Variants in XPO5 observed in about 807,000 individuals in gnomAD.
XPO5 encodes the protein exportin-5.
Under a neutral mutation model 160.6 loss-of-function variants are expected in XPO5, and 46 were observed. The ratio of observed to expected loss-of-function variants is 0.29; its 90% confidence interval spans 0.23 to 0.37. The LOEUF (loss-of-function observed/expected upper bound fraction) is 0.37, where lower values mean the gene tolerates loss of function less well. Ranked by LOEUF, XPO5 falls within the 10% of genes least tolerant of loss-of-function variation. XPO5 has a pLI of 1.00. For synonymous variants in XPO5, 537 were observed against 519.3 expected, an observed-to-expected ratio of 1.03 and a Z score of -0.46; for missense variants, 1,090 against 1,463.9, an observed-to-expected ratio of 0.74 and a Z score of 4.17.
chr6:43,572,296 C>T (rs959469642), intron 3 of XPO5, among the ~76,000 whole-genome samples: 1 of 152,182 alleles, frequency 6.6e-6, no homozygotes, highest in Non-Finnish European at 1.5e-5. Flanking sequence ...AAGCTGCTCT[C>T]GAATTCTTAG....
Position 43,567,158 on chromosome 6 carries a change from T to C in XPO5, c.834+11A>G. ...AGACTGAGGATAAGTCAGTTTGAAG[T>C]GGTAACTTACTTTTCTGCTGACTGC... On this transcript the variant is annotated intron_variant, in intron 7 of 31. Transcript: ENST00000265351. 1 of 1,606,838 alleles carries C rather than the reference T, an allele frequency of 6.2e-7. No individual in the cohort carries two copies. Among genetic ancestry groups the C allele is most frequent in the Non-Finnish European group, 8.5e-7 (1 of 1,176,430 alleles).
At chr6:43,562,098 T>C (rs1034357899) in intron 9 of XPO5, 149 bp downstream of exon 9, 4 of 549,816 alleles carry the variant, frequency 7.3e-6, no homozygotes, top group Middle Eastern at 2.8e-4. Context: ...ATTAAGATAA[T>C]TTAATCTATA....
At chr6:43,564,765 G>T (rs189640746) in intron 8 of XPO5, among the ~76,000 whole-genome samples, 1 of 151,722 alleles carries the variant, frequency 6.6e-6, no homozygotes, top group Non-Finnish European at 1.5e-5. Context: ...CACCACACCC[G>T]ACTAATTTCT....
rs781718152 is a variant in XPO5, at chr6:43,570,845, T to TTTTCAAGGG, written c.438+11_438+12insCCCTTGAAA. On this transcript the variant is annotated intron_variant, in intron 4 of 31. Coordinates refer to ENST00000265351, the MANE Select transcript of XPO5 (RefSeq NM_020750.3). ...GAAAAGTATACCAAACTGATATAGCTGTGTTTCATACCCCTTGTTTGGAAA... is the reference window on the plus strand; with the variant it reads ...GAAAAGTATACCAAACTGATATAGCTTTTCAAGGGGTGTTTCATACCCCTTGTTTGGAAA... The TTTTCAAGGG allele has an allele frequency of 7.5e-6, 12 of 1,603,592 alleles. No individual in the cohort carries two copies. In the South Asian group the frequency reaches 1.4e-4, roughly 18 times the overall value.
intron 20 of XPO5, among the ~76,000 whole-genome samples, chr6:43,535,311 T>C (rs933713130): frequency 3.3e-5 from 5 of 150,402 alleles, no homozygotes; most frequent in Non-Finnish European, 7.4e-5. Flanking sequence ...TTTCTATGGC[T>C]GGGCCCAGTG....
Position 43,533,987 on chromosome 6 carries a change from G to A in XPO5, c.2363C>T (p.Ala788Val). 2.5e-6 allele frequency: 4 copies of A among 1,603,618 alleles called. No individual in the cohort carries two copies. Among genetic ancestry groups the A allele is most frequent in the Non-Finnish European group, 3.4e-6 (4 of 1,173,416 alleles). ...TGCCATTTTGGCTAGCATTTCTGGT[G>A]CATATAATGTATTGTGGGTTCTGAA... ...ALIRTHNTLYAPEMLAKMAEP... is the reference protein window; with the variant it reads ...ALIRTHNTLYVPEMLAKMAEP... The change falls in exon 21 of 32, where the codon GCA (alanine) becomes GTA (valine). Residue 788 changes from alanine (A) to valine (V), a missense_variant. This residue lies in a region of XPO5 where 810 missense variants were observed against 1,139.0 expected (regional missense o/e 0.71). Transcript: ENST00000265351.
intron 7 of XPO5, among the ~76,000 whole-genome samples, chr6:43,566,811 T>TAA (rs56147929): frequency 0.023 from 2,379 of 101,612 alleles, 90 homozygotes; most frequent in African/African-American, 0.08. Context: ...CTGTTTCAAT[T>TAA]AAAAAAAAAA....
chr6:43,570,637 C>T lies in XPO5; in HGVS notation c.486G>A (p.Glu162=). Residue 162 remains glutamate (E), a synonymous_variant, in exon 5 of 32, where the codon GAG becomes GAA. Transcript: ENST00000265351. ...GAAGTGTCTGAAAAGTCACTACATCCTCTGCCAGTCGCAAAAGGATAAACA... is the reference window on the plus strand; with the variant it reads ...GAAGTGTCTGAAAAGTCACTACATCTTCTGCCAGTCGCAAAAGGATAAACA... ...LVMFILLRLA[E]DVVTFQTLPP... is the part of the protein sequence containing the mutation. 1 of 1,613,512 alleles carries T rather than the reference C, an allele frequency of 6.2e-7. No individual in the cohort carries two copies. Among genetic ancestry groups the T allele is most frequent in the Non-Finnish European group, 8.5e-7 (1 of 1,179,708 alleles).
At chr6:43,532,376 G>A (rs985990864) in intron 21 of XPO5, among the ~76,000 whole-genome samples, 2 of 152,068 alleles carry the variant, frequency 1.3e-5, no homozygotes, top group Admixed American at 6.6e-5. Context: ...GACCACAGCC[G>A]GGCTCAGACA....
intron 17 of XPO5, 94 bp downstream of exon 17, chr6:43,549,395 T>C (rs1431239740): frequency 3.2e-6 from 4 of 1,243,310 alleles, no homozygotes; most frequent in Non-Finnish European, 4.5e-6. Context: ...AGCTATAGTT[T>C]CTAGTTTTTT....
intron 6 of XPO5, 91 bp downstream of exon 6, chr6:43,568,620 A>G (rs995196426): frequency 1.8e-5 from 21 of 1,179,568 alleles, no homozygotes; most frequent in Non-Finnish European, 2.3e-5. Context: ...ATACAACACA[A>G]GCAAGGCTGA....
rs979413046 is a variant in XPO5 at position 43,523,732 on chromosome 6, G to A, written c.*136C>T. 1 of 1,423,744 alleles carries A rather than the reference G, an allele frequency of 7.0e-7. No homozygotes were observed. Among genetic ancestry groups the A allele is most frequent in the Admixed American group, 1.7e-5 (1 of 59,766 alleles). 88.2% of individuals were successfully genotyped at this position (1,423,744 alleles called of 1,614,324 possible). A position where few individuals can be genotyped will look rare whatever the true frequency, so the allele number is the denominator to read the frequency against. Reference sequence around the variant, plus strand: ...TCCTGCACAGGGCCTGTTCTCTCCAGCTCCAGACCTGGATCTCTTTCCAGG... The same window carrying A: ...TCCTGCACAGGGCCTGTTCTCTCCAACTCCAGACCTGGATCTCTTTCCAGG... On this transcript the variant is annotated 3_prime_UTR_variant, in exon 32 of 32. Transcript: ENST00000265351.
chr6:43,549,655 C>A, intron 16 of XPO5, 77 bp from the exon 17 acceptor site: 1 of 1,500,964 alleles, frequency 6.7e-7, no homozygotes, highest in South Asian at 1.2e-5. Flanking sequence ...ATGTGAATAT[C>A]TCAGTCAGGG....
chr6:43,551,009 A>G (rs988272253), intron 15 of XPO5: 1 of 213,694 alleles, frequency 4.7e-6, no homozygotes. Context: ...TACCTGATCC[A>G]CAGTAAGTAC....
intron 9 of XPO5, chr6:43,561,991 A>G (rs1200408728): frequency 9.7e-6 from 3 of 310,712 alleles, no homozygotes; most frequent in African/African-American, 6.5e-5. Context: ...TTCACAAGAA[A>G]CCAACGTTGA....
At position 43,567,221 on chromosome 6, in the gene XPO5, T is replaced by C. The variant is rs756818279; in HGVS notation, c.782A>G (p.Gln261Arg). 1.2e-6 allele frequency: 2 copies of C among 1,613,868 alleles called. No individual in the cohort carries two copies. Among genetic ancestry groups the C allele is most frequent in the Admixed American group, 3.3e-5 (2 of 59,966 alleles). ...CTCAGCGGCTCCCAACTGAAGTTCC[T>C]GTTCATTCAACAGCAAACACAGTAT... Reference protein sequence around the residue: ...LEILCLLLNEQELQLGAAECL... With the variant: ...LEILCLLLNERELQLGAAECL... The change falls in exon 7 of 32, where the codon CAG becomes CGG. Residue 261 changes from glutamine to arginine, a missense_variant. By Grantham distance (43) the Gln-to-Arg change is conservative (BLOSUM62 1). Coordinates refer to ENST00000265351, the MANE Select transcript of XPO5 (RefSeq NM_020750.3).
chr6:43,533,153 A>G (rs1294720935), intron 21 of XPO5, among the ~76,000 whole-genome samples: 2 of 151,540 alleles, frequency 1.3e-5, no homozygotes, highest in Non-Finnish European at 2.9e-5. Context: ...AACAAAACAA[A>G]AAAGGTAACA....
chr6:43,575,271 A>G (rs1763242541), intron 1 of XPO5, among the ~76,000 whole-genome samples: 1 of 152,248 alleles, frequency 6.6e-6, no homozygotes, highest in African/African-American at 2.4e-5. Flanking sequence ...GAGATGTTAA[A>G]GCATATAAGC....
chr6:43,532,766 C>T (rs1794061048), intron 21 of XPO5, among the ~76,000 whole-genome samples: 1 of 152,336 alleles, frequency 6.6e-6, no homozygotes, highest in African/African-American at 2.4e-5. Context: ...CTTTCCTTCA[C>T]AGCAAATACC....
Sources: allele counts gnomAD v4.1 joint callset (sites outside exome capture counted in the v4.1 genomes callset), GRCh38; gene constraint gnomAD v4.1.1; regional missense constraint gnomAD v4.1.1; transcripts MANE v1.5; gene names NCBI Gene and HGNC (gene_info 2026-07-23, HGNC 2026-07-21).